The following LPP variants were observed in gnomAD, a reference collection of about 807,000 sequenced individuals.
The protein encoded by LPP is lipoma-preferred partner.
Under a neutral mutation model 60.4 loss-of-function variants are expected in LPP, and 38 were observed. That is an observed-to-expected ratio of 0.63 (90% CI 0.49 to 0.83). The LOEUF (loss-of-function observed/expected upper bound fraction) is 0.83, where lower values mean the gene tolerates loss of function less well. Ranked by LOEUF, LPP falls within the 40% of genes least tolerant of loss-of-function variation. The probability of loss-of-function intolerance (pLI) is 0.00; values close to 1 mark genes in which losing one functional copy is unlikely to be tolerated. For synonymous variants in LPP, 328 were observed against 290.8 expected (o/e 1.13, Z -1.30); for missense variants, 902 against 783.6 (o/e 1.15, Z -1.80).
In LPP at chr3:188,550,520, G is replaced by T. The variant is rs1240442893; in HGVS notation, c.429+25733G>T. Among the ~76,000 whole-genome samples the T allele has an allele frequency of 1.6e-4, 24 of 145,664 alleles. No homozygotes were observed. In the Admixed American group the frequency reaches 1.7e-3, roughly 10 times the overall value. ...TTGAACCTGAGAGGCGGAGGTTGCG[G>T]TGAGCCGAGATCACGCCACTGCACT... is the stretch of plus-strand genomic sequence containing the variant. On this transcript the variant is annotated intron_variant, in intron 6 of 11. Coordinates refer to ENST00000617246, the MANE Select transcript of LPP (RefSeq NM_001375462.1).
intron 6 of LPP, among the ~76,000 whole-genome samples, chr3:188,566,964 T>A (rs1832323500): frequency 6.6e-6 from 1 of 151,874 alleles, no homozygotes; most frequent in African/African-American, 2.4e-5. Context: ...ATTGGTCTGA[T>A]ACAAACTGAG....
At chr3:188,656,595 A>G (rs922882056) in intron 7 of LPP, among the ~76,000 whole-genome samples, 6 of 152,250 alleles carry the variant, frequency 3.9e-5, no homozygotes, top group African/African-American at 1.2e-4. Context: ...CACATCAGAC[A>G]GTGTCCTTCT....
At chr3:188,485,067 C>G (rs1805943071) in intron 5 of LPP, among the ~76,000 whole-genome samples, 2 of 152,114 alleles carry the variant, frequency 1.3e-5, no homozygotes, top group South Asian at 4.1e-4. Flanking sequence ...TCTCTATCTT[C>G]AAACATTGCA....
intron 8 of LPP, among the ~76,000 whole-genome samples, chr3:188,752,960 G>T (rs970457671): frequency 4.6e-5 from 7 of 152,194 alleles, no homozygotes; most frequent in African/African-American, 1.7e-4. Flanking sequence ...AGGCTTGTGG[G>T]GATGGAGAAG....
intron 9 of LPP, among the ~76,000 whole-genome samples, chr3:188,863,814 G>GTCT (rs1377678713): frequency 6.6e-6 from 1 of 152,026 alleles, no homozygotes; most frequent in African/African-American, 2.4e-5. Flanking sequence ...AGACCACAAG[G>GTCT]TCTTTCCATA....
At chr3:188,753,767 G>C (rs1577351849) in intron 8 of LPP, among the ~76,000 whole-genome samples, 2 of 152,134 alleles carry the variant, frequency 1.3e-5, no homozygotes, top group South Asian at 2.1e-4. Context: ...GCGAGTGTTT[G>C]AGTGTGGGTG....
intron 4 of LPP, among the ~76,000 whole-genome samples, chr3:188,415,726 A>AT (rs2148973412): frequency 7.1e-6 from 1 of 140,474 alleles, no homozygotes; most frequent in East Asian, 2.4e-4. Context: ...ACAAAGCTCT[A>AT]GAGATAAAGG....
chr3:188,263,363 C>G (rs1734355567), intron 2 of LPP, among the ~76,000 whole-genome samples: 1 of 152,236 alleles, frequency 6.6e-6, no homozygotes, highest in Non-Finnish European at 1.5e-5. Flanking sequence ...CCAAATTATT[C>G]ATCTTCCCTA....
chr3:188,869,579 C>T (rs1009461090), intron 10 of LPP, among the ~76,000 whole-genome samples: 1 of 152,230 alleles, frequency 6.6e-6, no homozygotes, highest in African/African-American at 2.4e-5. Flanking sequence ...GCGTGAGCCA[C>T]TGCACCCAGC....
intron 2 of LPP, among the ~76,000 whole-genome samples, chr3:188,294,356 C>A (rs1747126472): frequency 6.6e-6 from 1 of 152,078 alleles, no homozygotes; most frequent in Non-Finnish European, 1.5e-5. Context: ...TCTCAATAAA[C>A]CTGTTTTAAA....
chr3:188,815,003 A>G (rs1367217424), intron 9 of LPP, among the ~76,000 whole-genome samples: 1 of 152,256 alleles, frequency 6.6e-6, no homozygotes, highest in Non-Finnish European at 1.5e-5. Flanking sequence ...TTTGATGATT[A>G]AATGAGAAAA....
chr3:188,179,060 GA>G, intron 1 of LPP: 8 of 319,978 alleles, frequency 2.5e-5, no homozygotes, highest in Non-Finnish European at 4.4e-5. Flanking sequence ...GAGAGAGAGA[GA>G]GAGAGTGAGC....
chr3:188,185,864 C>T (rs1195452107), intron 1 of LPP, among the ~76,000 whole-genome samples: 2 of 152,224 alleles, frequency 1.3e-5, no homozygotes, highest in Non-Finnish European at 2.9e-5. Context: ...CATGTCTCCC[C>T]TCTCTGCAGC....
intron 3 of LPP, among the ~76,000 whole-genome samples, chr3:188,373,185 A>G (rs1351420379): frequency 1.3e-5 from 2 of 152,212 alleles, no homozygotes; most frequent in African/African-American, 4.8e-5. Context: ...ATGTGTCTTT[A>G]TAGCAGCATG....
chr3:188,458,235 A>G (rs1232372396), intron 4 of LPP, among the ~76,000 whole-genome samples: 1 of 152,152 alleles, frequency 6.6e-6, no homozygotes, highest in African/African-American at 2.4e-5. Flanking sequence ...AATTGTGTAT[A>G]TGGATAAAAG....
chr3:188,704,127 C>T lies in LPP; in HGVS notation c.1114-4140C>T, dbSNP rs974231085. Among the ~76,000 whole-genome samples the T allele has an allele frequency of 1.6e-4, 25 of 152,254 alleles. 1 individual carries two copies. Among genetic ancestry groups the T allele is most frequent in the African/African-American group, 5.8e-4 (24 of 41,542 alleles). ...GCATCGTTTGCTTGGGGAAAAAATG[C>T]ATGGCACTTGGAGACAGGTGACACC... On this transcript the variant is annotated intron_variant, in intron 7 of 11. Coordinates refer to ENST00000617246, the MANE Select transcript of LPP (RefSeq NM_001375462.1).
At chr3:188,269,971 T>TTTTTC (rs1298478629) in intron 2 of LPP, among the ~76,000 whole-genome samples, 269 of 148,874 alleles carry the variant, frequency 1.8e-3, no homozygotes, top group Middle Eastern at 3.4e-3. Flanking sequence ...TAGTATCAGT[T>TTTTTC]TTTTCTTTTC....
At chr3:188,172,410 T>C (rs1721841836) in intron 1 of LPP, among the ~76,000 whole-genome samples, 1 of 152,182 alleles carries the variant, frequency 6.6e-6, no homozygotes, top group African/African-American at 2.4e-5. Context: ...GAGGATTAAA[T>C]GAGTTAATAC....
At chr3:188,310,607 C>T (rs1248343889) in intron 2 of LPP, among the ~76,000 whole-genome samples, 1 of 152,080 alleles carries the variant, frequency 6.6e-6, no homozygotes, top group Non-Finnish European at 1.5e-5. Context: ...ATCACTTTGG[C>T]CACCACCTAA....
Sources: allele counts gnomAD v4.1 joint callset (sites outside exome capture counted in the v4.1 genomes callset), GRCh38; gene constraint gnomAD v4.1.1; transcripts MANE v1.5; gene names NCBI Gene and HGNC (gene_info 2026-07-23, HGNC 2026-07-21).